The following EXOC6B variants were observed in gnomAD, a reference collection of about 807,000 sequenced individuals.
The protein encoded by EXOC6B is SEC15 homolog B.
A neutral mutation model predicts 113.5 loss-of-function variants in EXOC6B; 54 were observed. That is an observed-to-expected ratio of 0.48 (90% CI 0.38 to 0.60). The LOEUF (loss-of-function observed/expected upper bound fraction) is 0.60, where lower values mean the gene tolerates loss of function less well. EXOC6B is among the 20% of genes least tolerant of loss of function. The pLI is 0.00. For missense variants in EXOC6B, 797 were observed against 977.5 expected (o/e 0.82, Z 2.46); for synonymous variants, 357 against 339.0 (o/e 1.05, Z -0.58).
chr2:72,279,547 A>G (rs184587645), intron 20 of EXOC6B, among the ~76,000 whole-genome samples: 2 of 152,332 alleles, frequency 1.3e-5, no homozygotes, highest in East Asian at 3.9e-4. Flanking sequence ...AGGAACTCCT[A>G]CTAAATTTAC....
At position 72,353,139 on chromosome 2, in the gene EXOC6B, A is replaced by C. The variant is rs148360592; in HGVS notation, c.2123-18119T>G. 5.6e-4 allele frequency among the ~76,000 whole-genome samples: 86 copies of C among 152,236 alleles called. 3 individuals are homozygous for C. In the East Asian group the frequency reaches 0.011, roughly 20 times the overall value. ...GGCACCCGTGCTAAATAAGTAAAAT[A>C]ATTTTCAGCTGAAGCGATGTTTGGA... On this transcript the variant is annotated intron_variant, in intron 19 of 21. Transcript: ENST00000272427.
chr2:72,465,173 A>G lies in EXOC6B; in HGVS notation c.1967T>C (p.Phe656Ser). Reference protein sequence around the residue: ...IAFLRSTFAVFTHLPGKVAQT... With the variant: ...IAFLRSTFAVSTHLPGKVAQT... ...ACTGCCACTTACAGGAAGGTGTGTG[A>G]ATACAGCAAAGGTGCTACGAAGAAA... Residue 656 changes from phenylalanine (F) to serine (S), a missense_variant, in exon 18 of 22, where the codon TTC becomes TCC. By Grantham distance (155) the Phe-to-Ser change is radical. Transcript: ENST00000272427. The G allele has an allele frequency of 6.2e-7, 1 of 1,611,258 alleles. No individual in the cohort carries two copies. Among genetic ancestry groups the G allele is most frequent in the Non-Finnish European group, 8.5e-7 (1 of 1,178,700 alleles).
At position 72,512,090 on chromosome 2, in the gene EXOC6B, T is replaced by C. The variant is rs75450026; in HGVS notation, c.1167+1042A>G. On this transcript the variant is annotated intron_variant, in intron 11 of 21. Transcript: ENST00000272427. ...TCTTCTTTGCATAAATGGTGACTCA[T>C]TGATATTCTAATCTCAGAGTGCCAC... 3.8e-3 allele frequency among the ~76,000 whole-genome samples: 583 copies of C among 152,270 alleles called. 2 individuals are homozygous for C. The highest frequency in any genetic ancestry group is 6.4e-3 in the Non-Finnish European group (432 of 67,974).
intron 20 of EXOC6B, among the ~76,000 whole-genome samples, chr2:72,293,917 T>C (rs1337603002): frequency 1.3e-5 from 2 of 151,928 alleles, no homozygotes; most frequent in African/African-American, 2.4e-5. Flanking sequence ...AGGATTACAG[T>C]AAGAGACCAT....
intron 6 of EXOC6B, among the ~76,000 whole-genome samples, chr2:72,630,482 A>G (rs184263477): frequency 6.6e-6 from 1 of 152,236 alleles, no homozygotes; most frequent in Non-Finnish European, 1.5e-5. Flanking sequence ...ACTCATTCTC[A>G]TACCTGTTAA....
rs190645526 is a variant in EXOC6B at position 72,739,581 on chromosome 2, G to A, written c.279+1723C>T. On this transcript the variant is annotated intron_variant, in intron 2 of 21. Transcript: ENST00000272427. ...TTTTTCTTTCTGGTTTAGAAATTTT[G>A]TTTAGAAATGTCTCAAAATAATATA... is the stretch of plus-strand genomic sequence containing the variant. Among the ~76,000 whole-genome samples, 213 of 151,832 alleles carry A rather than the reference G, an allele frequency of 1.4e-3. 1 individual carries two copies. The highest frequency in any genetic ancestry group is 4.5e-3 in the African/African-American group (188 of 41,458).
At chr2:72,377,839 CTT>C (rs1384412625) in intron 19 of EXOC6B, among the ~76,000 whole-genome samples, 1 of 151,928 alleles carries the variant, frequency 6.6e-6, no homozygotes, top group Non-Finnish European at 1.5e-5. Flanking sequence ...AGAAAGGAGA[CTT>C]TGTTTTTTTA....
In EXOC6B at chr2:72,682,487, T is replaced by C. The variant is rs528591063; in HGVS notation, c.669+35616A>G. 1.4e-4 allele frequency among the ~76,000 whole-genome samples: 22 copies of C among 152,282 alleles called. No homozygotes were observed. The East Asian group carries it at 4.0e-3, about 28-fold the overall frequency. ...CCTTTTTTTAAATTCCCATCCCTTC[T>C]GTAAGAAAACTCACTAAGAAGCTTC... On this transcript the variant is annotated intron_variant, in intron 6 of 21. Coordinates refer to ENST00000272427, the MANE Select transcript of EXOC6B (RefSeq NM_015189.3).
chr2:72,189,059 T>G (rs560320107), intron 20 of EXOC6B, among the ~76,000 whole-genome samples: 50 of 152,312 alleles, frequency 3.3e-4, no homozygotes, highest in African/African-American at 1.1e-3. Flanking sequence ...ATTTTCAACT[T>G]CAGTTAATTT....
Position 72,480,750 on chromosome 2 carries a change from G to A in EXOC6B, c.1666C>T (p.Leu556Phe). The A allele has an allele frequency of 1.3e-6, 2 of 1,598,516 alleles. No homozygotes were observed. Among genetic ancestry groups the A allele is most frequent in the Non-Finnish European group, 8.5e-7 (1 of 1,171,478 alleles). Reference protein sequence around the residue: ...IKRKNIGLTELVQIIINTTHL... With the variant: ...IKRKNIGLTEFVQIIINTTHL... ...GTTGTATTGATAATAATCTGAACAA[G>A]CTAGAAAACAACAAACACATGTAAA... The change falls in exon 17 of 22, where the codon CTT becomes TTT. Residue 556 changes from leucine (L) to phenylalanine (F), a missense_variant and splice_region_variant. Transcript: ENST00000272427.
At chr2:72,280,263 T>G (rs1685055464) in intron 20 of EXOC6B, among the ~76,000 whole-genome samples, 1 of 152,150 alleles carries the variant, frequency 6.6e-6, no homozygotes, top group Non-Finnish European at 1.5e-5. Flanking sequence ...GCATCACTTA[T>G]GCCTGCTTCA....
intron 6 of EXOC6B, among the ~76,000 whole-genome samples, chr2:72,636,780 C>A (rs1672866029): frequency 6.6e-6 from 1 of 151,814 alleles, no homozygotes; most frequent in Non-Finnish European, 1.5e-5. Flanking sequence ...GCATTCTAAC[C>A]ACTGCTATTC....
At chr2:72,545,357 T>TA (rs1204805661) in intron 8 of EXOC6B, among the ~76,000 whole-genome samples, 3 of 151,580 alleles carry the variant, frequency 2.0e-5, no homozygotes, top group South Asian at 2.1e-4. Context: ...GTATTTCATT[T>TA]AAAAAAAAAT....
At chr2:72,515,990 G>A (rs1701195688) in intron 8 of EXOC6B, among the ~76,000 whole-genome samples, 1 of 152,014 alleles carries the variant, frequency 6.6e-6, no homozygotes, top group African/African-American at 2.4e-5. Context: ...TGCAAGCCAG[G>A]GAACATCAGA....
At chr2:72,768,042 G>A (rs1221965736) in intron 1 of EXOC6B, among the ~76,000 whole-genome samples, 4 of 148,558 alleles carry the variant, frequency 2.7e-5, no homozygotes, top group African/African-American at 9.9e-5. Flanking sequence ...ACATGAACCC[G>A]GGAGGCAGAG....
At chr2:72,631,132 C>T (rs992999126) in intron 6 of EXOC6B, among the ~76,000 whole-genome samples, 7 of 151,842 alleles carry the variant, frequency 4.6e-5, no homozygotes, top group Non-Finnish European at 7.4e-5. Context: ...GCACAGTTAA[C>T]GCTCACTGAT....
At chr2:72,771,139 CAACTGCTG>C (rs1683384144) in intron 1 of EXOC6B, among the ~76,000 whole-genome samples, 1 of 152,144 alleles carries the variant, frequency 6.6e-6, no homozygotes, top group South Asian at 2.1e-4. Context: ...GAAGTGTCTT[CAACTGCTG>C]AAAACATTTC....
At chr2:72,483,047 A>T (rs1699199369) in intron 16 of EXOC6B, among the ~76,000 whole-genome samples, 1 of 152,224 alleles carries the variant, frequency 6.6e-6, no homozygotes, top group Non-Finnish European at 1.5e-5. Context: ...AGTTTTGAAC[A>T]CAAGACTACT....
chr2:72,755,780 T>C (rs1206010774), intron 1 of EXOC6B, among the ~76,000 whole-genome samples: 1 of 152,174 alleles, frequency 6.6e-6, no homozygotes. Context: ...CAACAAGACC[T>C]GGCTCTGAAG....
Sources: allele counts gnomAD v4.1 joint callset (sites outside exome capture counted in the v4.1 genomes callset), GRCh38; gene constraint gnomAD v4.1.1; transcripts MANE v1.5; gene names NCBI Gene and HGNC (gene_info 2026-07-23, HGNC 2026-07-21).